The following TSPAN5 variants were observed in gnomAD, a reference collection of about 807,000 sequenced individuals.
TSPAN5 encodes tetraspanin-5.
A neutral mutation model predicts 37.1 loss-of-function variants in TSPAN5; 10 were observed. That is an observed-to-expected ratio of 0.27 (90% CI 0.17 to 0.46). The LOEUF is 0.46. TSPAN5 is among the 20% of genes least tolerant of loss of function. The pLI, the probability that TSPAN5 is intolerant of heterozygous loss-of-function variation, is 1.00. For synonymous variants in TSPAN5, 110 were observed against 118.9 expected (o/e 0.93, Z 0.48); for missense variants, 195 against 326.6 (o/e 0.60, Z 3.11).
intron 1 of TSPAN5, among the ~76,000 whole-genome samples, chr4:98,589,288 T>C (rs1755569465): frequency 6.6e-6 from 1 of 152,210 alleles, no homozygotes; most frequent in Non-Finnish European, 1.5e-5. Context: ...TGCATTATAA[T>C]ATTTCTTATG....
In TSPAN5 at chr4:98,549,779, G is replaced by GC. The variant is rs557441037; in HGVS notation, c.82-42052dup. 1.3e-3 allele frequency among the ~76,000 whole-genome samples: 201 copies of GC among 151,842 alleles called. 1 individual carries two copies. The highest frequency in any genetic ancestry group is 2.6e-3 in the Non-Finnish European group (174 of 67,978). ...GTTGTTTGAGTTTCTTGTAGATTCTGCATGTCAGCCCTTAGTTGGATGCAT... is the reference window on the plus strand; with the variant it reads ...GTTGTTTGAGTTTCTTGTAGATTCTGCCATGTCAGCCCTTAGTTGGATGCAT... On this transcript the variant is annotated intron_variant, in intron 1 of 7. Transcript: ENST00000305798.
chr4:98,642,817 TA>T (rs928623318), intron 1 of TSPAN5, among the ~76,000 whole-genome samples: 1 of 151,948 alleles, frequency 6.6e-6, no homozygotes, highest in Non-Finnish European at 1.5e-5. Flanking sequence ...AAATAATTTT[TA>T]AAAAAAGGCT....
At chr4:98,599,898 C>A (rs1172146256) in intron 1 of TSPAN5, among the ~76,000 whole-genome samples, 1 of 152,150 alleles carries the variant, frequency 6.6e-6, no homozygotes, top group Non-Finnish European at 1.5e-5. Flanking sequence ...CATTCACATA[C>A]AAGTCTTTTT....
chr4:98,521,548 G>T lies in TSPAN5; in HGVS notation c.82-13820C>A, dbSNP rs1578964143. On this transcript the variant is annotated intron_variant, in intron 1 of 7. Coordinates refer to ENST00000305798, the MANE Select transcript of TSPAN5 (RefSeq NM_005723.4). ...CTGCCCCAGCAGTGTGATGCCTTCT[G>T]CCAGGATTTGTGACACTGTGGCAGG... 2.0e-5 allele frequency among the ~76,000 whole-genome samples: 3 copies of T among 152,330 alleles called. 1 individual carries two copies. Among genetic ancestry groups the T allele is most frequent in the Middle Eastern group, 6.8e-3 (2 of 294 alleles).
chr4:98,561,473 T>C (rs1471103965), intron 1 of TSPAN5, among the ~76,000 whole-genome samples: 1 of 152,248 alleles, frequency 6.6e-6, no homozygotes, highest in Admixed American at 6.5e-5. Context: ...ATATTCAGTA[T>C]TTATTGAATA....
At chr4:98,491,793 G>C (rs1278746724) in intron 2 of TSPAN5, among the ~76,000 whole-genome samples, 1 of 152,092 alleles carries the variant, frequency 6.6e-6, no homozygotes, top group Non-Finnish European at 1.5e-5. Context: ...TAAAGATGGG[G>C]TCTCTTTCTG....
At chr4:98,612,156 G>A (rs1244963516) in intron 1 of TSPAN5, among the ~76,000 whole-genome samples, 1 of 152,202 alleles carries the variant, frequency 6.6e-6, no homozygotes, top group East Asian at 1.9e-4. Flanking sequence ...CTAAGTGAAT[G>A]CTCTTTCCCA....
rs1007924928 is a variant in TSPAN5 at position 98,472,458 on chromosome 4, G to A, written c.*64C>T. 1.1e-5 allele frequency: 17 copies of A among 1,478,292 alleles called. No individual in the cohort carries two copies. Among genetic ancestry groups the A allele is most frequent in the African/African-American group, 1.1e-4 (8 of 71,174 alleles). 91.6% of individuals were successfully genotyped at this position (1,478,292 alleles called of 1,614,324 possible). A position where few individuals can be genotyped will look rare whatever the true frequency, so the allele number is the denominator to read the frequency against. On this transcript the variant is annotated 3_prime_UTR_variant, in exon 8 of 8. Transcript: ENST00000305798. ...GTCCATGCAGCTCGAAGATCAGTTC[G>A]GCACGCGGGAGGGTCCCGAAAGCTG...
rs765469931 is a variant in TSPAN5 at position 98,540,692 on chromosome 4, C to T, written c.82-32964G>A. The stretch of plus-strand genomic sequence containing the variant: ...ACTGAAAACTACCCAGCACAGGCTT[C>T]GTGGGGATGCTACAGAGCAAATGTG... On this transcript the variant is annotated intron_variant, in intron 1 of 7. Coordinates refer to ENST00000305798, the MANE Select transcript of TSPAN5 (RefSeq NM_005723.4). Among the ~76,000 whole-genome samples, 5 of 152,238 alleles carry T rather than the reference C, an allele frequency of 3.3e-5. No individual in the cohort carries two copies. In the East Asian group the frequency reaches 5.8e-4, roughly 18 times the overall value.
At chr4:98,624,064 T>C (rs1679960601) in intron 1 of TSPAN5, among the ~76,000 whole-genome samples, 1 of 152,104 alleles carries the variant, frequency 6.6e-6, no homozygotes, top group Non-Finnish European at 1.5e-5. Context: ...TGAATCATAT[T>C]GAAAAAAAGT....
intron 1 of TSPAN5, among the ~76,000 whole-genome samples, chr4:98,599,492 TTAAG>T (rs916083590): frequency 1.3e-5 from 2 of 152,234 alleles, no homozygotes; most frequent in Non-Finnish European, 2.9e-5. Context: ...TGCATTACCA[TTAAG>T]TGTGTTTTGA....
At chr4:98,535,102 A>T (rs1292708055) in intron 1 of TSPAN5, among the ~76,000 whole-genome samples, 1 of 152,190 alleles carries the variant, frequency 6.6e-6, no homozygotes, top group Non-Finnish European at 1.5e-5. Context: ...TTTGCCTGGT[A>T]GTTGATGCAG....
chr4:98,551,004 G>T (rs1467520430), intron 1 of TSPAN5, among the ~76,000 whole-genome samples: 1 of 152,026 alleles, frequency 6.6e-6, no homozygotes, highest in Non-Finnish European at 1.5e-5. Context: ...GTATGATGTT[G>T]GCTGTAGGTT....
intron 4 of TSPAN5, among the ~76,000 whole-genome samples, chr4:98,480,931 G>A (rs1430191134): frequency 6.6e-6 from 1 of 152,086 alleles, no homozygotes; most frequent in Non-Finnish European, 1.5e-5. Context: ...CCTAAGGAAG[G>A]GGATGGCCTC....
chr4:98,533,950 A>AC (rs1553912220), intron 1 of TSPAN5, among the ~76,000 whole-genome samples: 1 of 141,378 alleles, frequency 7.1e-6, no homozygotes, highest in South Asian at 2.2e-4. Context: ...AAAAAAAAAA[A>AC]AAAAAAAAAA....
intron 1 of TSPAN5, among the ~76,000 whole-genome samples, chr4:98,618,799 T>C (rs182233898): frequency 1.3e-5 from 2 of 152,320 alleles, no homozygotes; most frequent in Non-Finnish European, 1.5e-5. Flanking sequence ...TAAGAGGTTC[T>C]GTGTAACTGA....
intron 1 of TSPAN5, among the ~76,000 whole-genome samples, chr4:98,639,067 A>C (rs2110274860): frequency 6.6e-6 from 1 of 152,312 alleles, no homozygotes; most frequent in African/African-American, 2.4e-5. Flanking sequence ...GCCCAGGTAA[A>C]GAACGTTCTT....
rs576852948 is a variant in TSPAN5 at position 98,533,543 on chromosome 4, C to CTT, written c.82-25817_82-25816dup. ...GGATTGGTGGTGATATCCCCTATAT[C>CTT]TTTTTTTTTTTTTTTTTTTTTTCTT... On this transcript the variant is annotated intron_variant, in intron 1 of 7. Transcript: ENST00000305798. 1.7e-3 allele frequency among the ~76,000 whole-genome samples: 99 copies of CTT among 58,572 alleles called. 3 individuals carry two copies. Among genetic ancestry groups the CTT allele is most frequent in the East Asian group, 5.4e-3 (10 of 1,850 alleles). 38.4% of individuals were successfully genotyped at this position (58,572 alleles called of 152,430 possible). A position where few individuals can be genotyped will look rare whatever the true frequency, so the allele number is the denominator to read the frequency against.
intron 1 of TSPAN5, among the ~76,000 whole-genome samples, chr4:98,520,371 A>G (rs1753827084): frequency 6.6e-6 from 1 of 152,254 alleles, no homozygotes; most frequent in Admixed American, 6.5e-5. Flanking sequence ...TGAGTCCAGC[A>G]TGACCACCAG....
Sources: allele counts gnomAD v4.1 joint callset (sites outside exome capture counted in the v4.1 genomes callset), GRCh38; gene constraint gnomAD v4.1.1; transcripts MANE v1.5; gene names NCBI Gene and HGNC (gene_info 2026-07-23, HGNC 2026-07-21).